Variants in CTNNA2 observed in about 807,000 individuals in gnomAD.
The protein encoded by CTNNA2 is catenin alpha-2.
Under a neutral mutation model 101.0 loss-of-function variants are expected in CTNNA2, and 42 were observed. The observed-to-expected ratio is 0.42, with a 90% CI of 0.32 to 0.54. The LOEUF (loss-of-function observed/expected upper bound fraction) is 0.54. Ranked by LOEUF, CTNNA2 falls within the 20% of genes least tolerant of loss-of-function variation. CTNNA2 has a pLI of 0.14. For synonymous variants in CTNNA2, 450 were observed against 456.4 expected, an observed-to-expected ratio of 0.99 and a Z score of 0.18; for missense variants, 871 against 1,223.1, an observed-to-expected ratio of 0.71 and a Z score of 4.29.
At chr2:79,245,964 C>T (rs994821724) in intron 2 of CTNNA2, among the ~76,000 whole-genome samples, 4 of 152,190 alleles carry the variant, frequency 2.6e-5, no homozygotes, top group African/African-American at 9.7e-5. Context: ...ACCCAGCCTG[C>T]TTCTTCATTC....
intron 8 of CTNNA2, among the ~76,000 whole-genome samples, chr2:80,406,392 G>T (rs1048554130): frequency 5.3e-5 from 8 of 151,876 alleles, no homozygotes; most frequent in South Asian, 2.1e-4. Flanking sequence ...AAATGGGAGC[G>T]GGAGGTTGCT....
At chr2:80,404,738 A>T (rs1048412962) in intron 8 of CTNNA2, among the ~76,000 whole-genome samples, 10 of 152,188 alleles carry the variant, frequency 6.6e-5, no homozygotes, top group African/African-American at 2.4e-4. Context: ...CAGGAATATT[A>T]AGATGCCTTT....
intron 6 of CTNNA2, among the ~76,000 whole-genome samples, chr2:79,891,962 A>G (rs1053350045): frequency 8.5e-5 from 13 of 152,102 alleles, no homozygotes; most frequent in African/African-American, 3.1e-4. Flanking sequence ...TTTGCGAAAA[A>G]TTAAATCTGT....
At chr2:79,367,503 G>C (rs1432846067) in intron 3 of CTNNA2, among the ~76,000 whole-genome samples, 1 of 152,130 alleles carries the variant, frequency 6.6e-6, no homozygotes, top group Non-Finnish European at 1.5e-5. Flanking sequence ...GTAAGCAATG[G>C]GTAGAGAAGT....
intron 2 of CTNNA2, among the ~76,000 whole-genome samples, chr2:79,210,809 A>G (rs907966209): frequency 2.0e-5 from 3 of 152,138 alleles, no homozygotes; most frequent in Non-Finnish European, 4.4e-5. Context: ...AGGCTCCCAG[A>G]GATTCCGATG....
chr2:79,681,786 A>G (rs1182818874), intron 2 of CTNNA2, among the ~76,000 whole-genome samples: 3 of 152,196 alleles, frequency 2.0e-5, no homozygotes, highest in African/African-American at 7.2e-5. Context: ...AGTAACATGG[A>G]ATATATTTGG....
intron 7 of CTNNA2, among the ~76,000 whole-genome samples, chr2:80,011,519 C>A (rs1328172618): frequency 6.6e-6 from 1 of 152,070 alleles, no homozygotes; most frequent in Admixed American, 6.6e-5. Flanking sequence ...AGAAAGAGAT[C>A]TAACTTCAAA....
chr2:80,391,632 G>A (rs1037435629), intron 7 of CTNNA2, among the ~76,000 whole-genome samples: 12 of 152,188 alleles, frequency 7.9e-5, no homozygotes, highest in African/African-American at 2.7e-4. Flanking sequence ...AACAGAAAAG[G>A]AATAGCCTTT....
chr2:79,317,542 G>T (rs1676525793), intron 3 of CTNNA2, among the ~76,000 whole-genome samples: 1 of 152,030 alleles, frequency 6.6e-6, no homozygotes, highest in Non-Finnish European at 1.5e-5. Flanking sequence ...GGGATGAACT[G>T]AATTGATTTG....
At chr2:80,347,542 G>A (rs528934832) in intron 7 of CTNNA2, among the ~76,000 whole-genome samples, 1 of 152,278 alleles carries the variant, frequency 6.6e-6, no homozygotes, top group South Asian at 2.1e-4. Context: ...GCGCTCCTTA[G>A]ACTCTCAGTA....
intron 2 of CTNNA2, among the ~76,000 whole-genome samples, chr2:79,672,175 G>C (rs17017494): frequency 0.33 from 50,547 of 152,022 alleles, 9,199 homozygotes; most frequent in East Asian, 0.7. Flanking sequence ...GACATTACTT[G>C]ATGGTTAACA....
intron 4 of CTNNA2, among the ~76,000 whole-genome samples, chr2:79,401,247 T>C (rs528257167): frequency 6.6e-6 from 1 of 151,634 alleles, no homozygotes; most frequent in Non-Finnish European, 1.5e-5. Context: ...CCCATAAATA[T>C]ATACACTTAC....
At chr2:79,979,685 AAAAG>A (rs1691118784) in intron 7 of CTNNA2, among the ~76,000 whole-genome samples, 1 of 152,174 alleles carries the variant, frequency 6.6e-6, no homozygotes, top group African/African-American at 2.4e-5. Flanking sequence ...CGACAAGACA[AAAAG>A]AAAGTGAGAA....
chr2:80,083,039 A>G (rs1573025286), intron 7 of CTNNA2, among the ~76,000 whole-genome samples: 2 of 152,090 alleles, frequency 1.3e-5, no homozygotes, highest in African/African-American at 2.4e-5. Context: ...TTTTTCCATC[A>G]CTGAAAAAAT....
chr2:79,738,430 C>T (rs1324701186), intron 2 of CTNNA2, among the ~76,000 whole-genome samples: 1 of 152,104 alleles, frequency 6.6e-6, no homozygotes, highest in African/African-American at 2.4e-5. Flanking sequence ...AGGAAGCTGG[C>T]ACAGCTAATA....
chr2:80,483,802 T>C (rs1217056156), intron 9 of CTNNA2, among the ~76,000 whole-genome samples: 1 of 152,156 alleles, frequency 6.6e-6, no homozygotes, highest in Non-Finnish European at 1.5e-5. Flanking sequence ...TTATTTAACA[T>C]CTGAAAAAGT....
intron 3 of CTNNA2, among the ~76,000 whole-genome samples, chr2:79,349,773 T>G (rs149001307): frequency 1.1e-3 from 161 of 152,270 alleles, no homozygotes; most frequent in Middle Eastern, 6.8e-3. Flanking sequence ...CACCAAGTAT[T>G]GAGAAACCAT....
intron 2 of CTNNA2, among the ~76,000 whole-genome samples, chr2:79,263,142 C>T (rs1269491258): frequency 6.6e-6 from 1 of 152,144 alleles, no homozygotes; most frequent in African/African-American, 2.4e-5. Context: ...CTACAAACAA[C>T]CCAAATTACT....
At chr2:79,968,317 G>A (rs927774355) in intron 7 of CTNNA2, among the ~76,000 whole-genome samples, 3 of 152,160 alleles carry the variant, frequency 2.0e-5, no homozygotes, top group Non-Finnish European at 4.4e-5. Context: ...GGCTGACAGA[G>A]TAGCCACTGT....
Sources: allele counts gnomAD v4.1 joint callset (sites outside exome capture counted in the v4.1 genomes callset), GRCh38; gene constraint gnomAD v4.1.1; transcripts MANE v1.5; gene names NCBI Gene and HGNC (gene_info 2026-07-23, HGNC 2026-07-21).